The following MAGI1 variants were observed in gnomAD, a reference collection of about 807,000 sequenced individuals.
MAGI1 encodes the protein membrane associated guanylate kinase, WW and PDZ domain containing 1, also known as membrane-associated guanylate kinase, WW and PDZ domain-containing protein 1.
Under a neutral mutation model 139.9 loss-of-function variants are expected in MAGI1, and 58 were observed. The ratio of observed to expected loss-of-function variants is 0.41; its 90% CI spans 0.34 to 0.52. The LOEUF (loss-of-function observed/expected upper bound fraction) is 0.52, where lower values mean the gene tolerates loss of function less well. Ranked by LOEUF, MAGI1 falls within the 20% of genes least tolerant of loss-of-function variation. MAGI1 has a pLI of 0.12. For missense variants in MAGI1, 1,874 were observed against 1,901.6 expected (o/e 0.99, Z 0.27); for synonymous variants, 812 against 737.9 (o/e 1.10, Z -1.63).
intron 1 of MAGI1, chr3:65,873,416 A>T (rs1423991486): frequency 6.6e-6 from 1 of 152,152 alleles, no homozygotes; most frequent in Non-Finnish European, 1.5e-5. Context: ...GTTAATTCCT[A>T]CTGCTTATTT....
chr3:65,747,942 A>G (rs1326699549), intron 1 of MAGI1, among the ~76,000 whole-genome samples: 2 of 152,220 alleles, frequency 1.3e-5, no homozygotes, highest in Non-Finnish European at 2.9e-5. Context: ...CCAGTGAGCC[A>G]AATGCTGGGA....
At chr3:65,635,650 T>C (rs188100319) in intron 1 of MAGI1, among the ~76,000 whole-genome samples, 2 of 152,266 alleles carry the variant, frequency 1.3e-5, no homozygotes, top group Non-Finnish European at 2.9e-5. Context: ...TGCTGACAGG[T>C]AAGATGTTTT....
At chr3:65,410,591 C>T (rs958000684) in intron 12 of MAGI1, among the ~76,000 whole-genome samples, 1 of 152,194 alleles carries the variant, frequency 6.6e-6, no homozygotes, top group Admixed American at 6.5e-5. Flanking sequence ...ATACATGGAC[C>T]TACCACTGAC....
intron 1 of MAGI1, among the ~76,000 whole-genome samples, chr3:65,653,652 G>C (rs184806033): frequency 7.2e-5 from 11 of 152,196 alleles, no homozygotes; most frequent in Admixed American, 5.9e-4. Flanking sequence ...GAGCTCAAAA[G>C]CCAAGAATCA....
chr3:65,905,374 T>C (rs1383905641), intron 1 of MAGI1, among the ~76,000 whole-genome samples: 1 of 152,112 alleles, frequency 6.6e-6, no homozygotes, highest in Admixed American at 6.5e-5. Flanking sequence ...CAATTACATT[T>C]CTTTTTCTTA....
intron 4 of MAGI1, among the ~76,000 whole-genome samples, chr3:65,476,093 G>T (rs1483564348): frequency 6.6e-6 from 1 of 151,836 alleles, no homozygotes; most frequent in African/African-American, 2.4e-5. Context: ...CCTATTTAAT[G>T]TGGTTCAGAA....
chr3:65,572,590 A>G (rs2081008443), intron 2 of MAGI1, among the ~76,000 whole-genome samples: 1 of 152,164 alleles, frequency 6.6e-6, no homozygotes, highest in South Asian at 2.1e-4. Context: ...GGACTCAGGC[A>G]TTGAGTGCAA....
At chr3:65,549,422 G>C (rs1394507389) in intron 2 of MAGI1, 1 of 984,864 alleles carries the variant, frequency 1.0e-6, no homozygotes, top group East Asian at 1.1e-4. Flanking sequence ...GGGCCCCGGA[G>C]CGGCCCCGGA....
At chr3:65,921,185 C>T (rs1209360973) in intron 1 of MAGI1, among the ~76,000 whole-genome samples, 1 of 152,098 alleles carries the variant, frequency 6.6e-6, no homozygotes, top group Non-Finnish European at 1.5e-5. Flanking sequence ...AATTATTTAA[C>T]AATGTTTGCC....
chr3:65,916,783 T>A (rs184428182), intron 1 of MAGI1, among the ~76,000 whole-genome samples: 2,899 of 151,364 alleles, frequency 0.019, 84 homozygotes, highest in African/African-American at 0.058. Context: ...ATACACACAC[T>A]AACACACACA....
chr3:65,678,983 T>C (rs1007430014), intron 1 of MAGI1, among the ~76,000 whole-genome samples: 12 of 152,186 alleles, frequency 7.9e-5, no homozygotes, highest in African/African-American at 2.9e-4. Context: ...TGGGCGTAAA[T>C]AGTGACAGAA....
chr3:65,699,933 T>C (rs986881366), intron 1 of MAGI1, among the ~76,000 whole-genome samples: 1 of 150,930 alleles, frequency 6.6e-6, no homozygotes, highest in African/African-American at 2.4e-5. Context: ...TCTTAGGCCT[T>C]GCCCCAGACC....
chr3:65,466,028 A>C (rs541467803), intron 5 of MAGI1, among the ~76,000 whole-genome samples: 50 of 151,990 alleles, frequency 3.3e-4, no homozygotes, highest in Non-Finnish European at 6.8e-4. Context: ...CCATCTACTA[A>C]GCTTTTTGTT....
In MAGI1 at chr3:65,577,354, GC is replaced by G. The variant is rs1222094288; in HGVS notation, c.430+44617del. Among the ~76,000 whole-genome samples, 15 of 152,042 alleles carry G rather than the reference GC, an allele frequency of 9.9e-5. No individual in the cohort carries two copies. In the East Asian group the frequency reaches 2.9e-3, roughly 29 times the overall value. The stretch of plus-strand genomic sequence containing the variant: ...AATAAAACATCAGTTTTAAACAAAG[GC>G]AAAATCAGAGCAGTGCAGGACTGAG... On this transcript the variant is annotated intron_variant, in intron 2 of 22. Coordinates refer to ENST00000402939, the MANE Select transcript of MAGI1 (RefSeq NM_001033057.2).
intron 1 of MAGI1, among the ~76,000 whole-genome samples, chr3:65,869,122 G>T (rs555459306): frequency 4.0e-5 from 6 of 150,620 alleles, no homozygotes; most frequent in African/African-American, 1.5e-4. Flanking sequence ...GGGCGTGGTG[G>T]CAGGCGCCTG....
At chr3:65,865,561 A>C (rs62245695) in intron 1 of MAGI1, among the ~76,000 whole-genome samples, 69,603 of 152,126 alleles carry the variant, frequency 0.46, 17,846 homozygotes, top group African/African-American at 0.69. Context: ...CACCACTGCA[A>C]TCCAGGCCTG....
chr3:65,908,825 G>T (rs1482915253), intron 1 of MAGI1, among the ~76,000 whole-genome samples: 2 of 152,110 alleles, frequency 1.3e-5, no homozygotes, highest in Non-Finnish European at 2.9e-5. Context: ...GGACTCTCTT[G>T]GTCATTAACC....
intron 1 of MAGI1, among the ~76,000 whole-genome samples, chr3:65,708,338 G>T (rs934511705): frequency 6.6e-6 from 1 of 151,846 alleles, no homozygotes; most frequent in Non-Finnish European, 1.5e-5. Context: ...CTGTCCTCTT[G>T]TAATTACCAG....
At chr3:65,818,066 GTGTCTC>G (rs1386579783) in intron 1 of MAGI1, among the ~76,000 whole-genome samples, 2 of 151,428 alleles carry the variant, frequency 1.3e-5, no homozygotes, top group Admixed American at 1.3e-4. Context: ...GTGTGTGTGT[GTGTCTC>G]TCTCTTTGAC....
Sources: gnomAD v4.1 joint callset for allele counts (sites outside exome capture counted in the v4.1 genomes callset) on GRCh38, gnomAD v4.1.1 for gene constraint, MANE v1.5 for transcripts, NCBI Gene and HGNC (gene_info 2026-07-23, HGNC 2026-07-21) for gene names.